The following NSG1 variants were observed in gnomAD, a reference collection of about 807,000 sequenced individuals.
The protein encoded by NSG1 is neuronal vesicle trafficking associated 1, also known as neuronal vesicle trafficking-associated protein 1.
NSG1 carries 9 observed loss-of-function variants against 19.3 expected under a neutral mutation model. The observed-to-expected ratio is 0.47, with a 90% CI of 0.28 to 0.81. The LOEUF is 0.81. Ranked by LOEUF, NSG1 falls within the 40% of genes least tolerant of loss-of-function variation. NSG1 has a pLI of 0.11. For missense variants in NSG1, 236 were observed against 242.4 expected (o/e 0.97, Z 0.18); for synonymous variants, 104 against 107.0 (o/e 0.97, Z 0.17).
rs528641478 is a variant in NSG1 at position 4,391,819 on chromosome 4, T to C, written c.246+228T>C. Among the ~76,000 whole-genome samples, 8 of 152,346 alleles carry C rather than the reference T, an allele frequency of 5.3e-5. No individual in the cohort carries two copies. In the South Asian group the frequency reaches 1.7e-3, roughly 32 times the overall value. On this transcript the variant is annotated intron_variant, in intron 3 of 4. Transcript: ENST00000621129. ...CAAAATGATCACATATTACTTATTT[T>C]TATAACAGGGGAAACCCACCCACAA...
In NSG1 at chr4:4,418,198, C is replaced by T. The variant is rs1451913503; in HGVS notation, c.*763C>T. The T allele has an allele frequency of 6.6e-6, 1 of 152,372 alleles. No homozygotes were observed. Among genetic ancestry groups the T allele is most frequent in the Admixed American group, 6.5e-5 (1 of 15,294 alleles). 9.4% of individuals were successfully genotyped at this position (152,372 alleles called of 1,614,324 possible). On this transcript the variant is annotated 3_prime_UTR_variant, in exon 5 of 5. Coordinates refer to ENST00000621129, the MANE Select transcript of NSG1 (RefSeq NM_014392.5). ...TGGGCCCGTGAGGTGCAGAACTCTC[C>T]CTGCAGGTAGTCTGTCTGCTCTGTG... is the stretch of plus-strand genomic sequence containing the variant.
intron 3 of NSG1, among the ~76,000 whole-genome samples, chr4:4,406,041 T>C (rs984708990): frequency 4.6e-5 from 7 of 152,270 alleles, no homozygotes; most frequent in African/African-American, 1.7e-4. Flanking sequence ...CCCTCTTCTT[T>C]TTTTGAGACG....
At chr4:4,386,577 C>T (rs1222659019), upstream of NSG1, 8 of 152,644 alleles carry the variant, frequency 5.2e-5, no homozygotes, top group African/African-American at 1.9e-4. Context: ...CTGCTCTGGT[C>T]TCCGCCACCA....
chr4:4,395,364 C>A (rs994282899), intron 3 of NSG1, among the ~76,000 whole-genome samples: 5 of 152,160 alleles, frequency 3.3e-5, no homozygotes, highest in Non-Finnish European at 7.3e-5. Flanking sequence ...GGGGTGCATT[C>A]CAGCACAGAA....
intron 4 of NSG1, among the ~76,000 whole-genome samples, chr4:4,412,210 G>A (rs1027970068): frequency 3.7e-4 from 56 of 152,146 alleles, no homozygotes; most frequent in South Asian, 1.0e-3. Context: ...TCCCCACAGG[G>A]AGGAGGGGGT....
intron 3 of NSG1, among the ~76,000 whole-genome samples, chr4:4,409,151 C>T (rs1292178951): frequency 6.6e-6 from 1 of 152,218 alleles, no homozygotes; most frequent in African/African-American, 2.4e-5. Flanking sequence ...GAGCCCAGGG[C>T]TCAGGACACA....
intron 4 of NSG1, among the ~76,000 whole-genome samples, chr4:4,415,486 T>C (rs929174755): frequency 6.6e-6 from 1 of 152,030 alleles, no homozygotes; most frequent in Non-Finnish European, 1.5e-5. Context: ...CAGAAAGCCT[T>C]CCCTGGCCCA....
At chr4:4,406,773 C>A (rs1723881915) in intron 3 of NSG1, among the ~76,000 whole-genome samples, 1 of 152,218 alleles carries the variant, frequency 6.6e-6, no homozygotes, top group Non-Finnish European at 1.5e-5. Context: ...AGACTCCCGG[C>A]CAGTGAGCTA....
At chr4:4,410,884 G>C (rs1724142256) in intron 4 of NSG1, among the ~76,000 whole-genome samples, 1 of 152,178 alleles carries the variant, frequency 6.6e-6, no homozygotes, top group African/African-American at 2.4e-5. Context: ...GTGTGATGGA[G>C]TCTCACTCTG....
chr4:4,399,290 T>A (rs1239386499), intron 3 of NSG1, among the ~76,000 whole-genome samples: 2 of 152,010 alleles, frequency 1.3e-5, no homozygotes, highest in African/African-American at 4.8e-5. Flanking sequence ...CTACAGGCAT[T>A]CACCACCACA....
intron 3 of NSG1, among the ~76,000 whole-genome samples, chr4:4,403,003 C>G (rs186117942): frequency 6.6e-6 from 1 of 152,334 alleles, no homozygotes; most frequent in Non-Finnish European, 1.5e-5. Context: ...ACGTTCTGTT[C>G]GATGCGTAGA....
At chr4:4,402,874 C>T (rs1444742590) in intron 3 of NSG1, among the ~76,000 whole-genome samples, 1 of 152,222 alleles carries the variant, frequency 6.6e-6, no homozygotes, top group Non-Finnish European at 1.5e-5. Flanking sequence ...GGGAATCAGA[C>T]ACTGTCTATC....
intron 3 of NSG1, among the ~76,000 whole-genome samples, chr4:4,395,571 A>G (rs1723210490): frequency 6.6e-6 from 1 of 152,004 alleles, no homozygotes; most frequent in Non-Finnish European, 1.5e-5. Flanking sequence ...GCATATGGGG[A>G]GCAGGCTATG....
Position 4,417,821 on chromosome 4 carries a change from A to T in NSG1, c.*386A>T. On this transcript the variant is annotated 3_prime_UTR_variant, in exon 5 of 5. Coordinates refer to ENST00000621129, the MANE Select transcript of NSG1 (RefSeq NM_014392.5). ...TGTCTGCAAACCTTCCTCCATAGCC[A>T]TATCTAGAGTGATCTCTCGCTGTGC... The T allele has an allele frequency of 3.2e-6, 1 of 310,318 alleles. No individual in the cohort carries two copies. Among genetic ancestry groups the T allele is most frequent in the Non-Finnish European group, 6.2e-6 (1 of 162,242 alleles). 19.2% of individuals were successfully genotyped at this position (310,318 alleles called of 1,614,324 possible).
intron 4 of NSG1, among the ~76,000 whole-genome samples, chr4:4,410,962 A>G (rs1182988168): frequency 6.6e-6 from 1 of 152,122 alleles, no homozygotes; most frequent in Non-Finnish European, 1.5e-5. Flanking sequence ...GGTTCAAGCG[A>G]TTCTTCTGCC....
At chr4:4,388,877 G>A (rs912322678) in intron 2 of NSG1, among the ~76,000 whole-genome samples, 2 of 152,204 alleles carry the variant, frequency 1.3e-5, no homozygotes, top group Non-Finnish European at 2.9e-5. Flanking sequence ...AAGAAAGGGG[G>A]ATCAGCCGGC....
At position 4,409,644 on chromosome 4, in the gene NSG1, C is replaced by T; in HGVS notation, c.318C>T (p.Tyr106=). The change falls in exon 4 of 5, where the codon TAC becomes TAT. Residue 106 remains tyrosine (Y), a synonymous_variant. Coordinates refer to ENST00000621129, the MANE Select transcript of NSG1 (RefSeq NM_014392.5). ...TCTTCCTGGTTGTCTACAAGGTGTA[C>T]AAGTATGACCGCGCCTGCCCCGATG... ...CVVFLVVYKV[Y]KYDRACPDGF... 1.2e-6 allele frequency: 2 copies of T among 1,614,182 alleles called. No individual in the cohort carries two copies. The highest frequency in any genetic ancestry group is 2.2e-5 in the South Asian group (2 of 91,086).
chr4:4,414,120 C>A (rs1192742526), intron 4 of NSG1, among the ~76,000 whole-genome samples: 1 of 152,070 alleles, frequency 6.6e-6, no homozygotes. Flanking sequence ...CTCATCCTCT[C>A]TGAGCCTGGA....
intron 3 of NSG1, among the ~76,000 whole-genome samples, chr4:4,394,730 A>G (rs2108728984): frequency 6.6e-6 from 1 of 152,350 alleles, no homozygotes; most frequent in Middle Eastern, 3.4e-3. Flanking sequence ...ACACACAGTA[A>G]CAGCTTGATA....
Sources: allele counts gnomAD v4.1 joint callset (sites outside exome capture counted in the v4.1 genomes callset), GRCh38; gene constraint gnomAD v4.1.1; transcripts MANE v1.5; gene names NCBI Gene and HGNC (gene_info 2026-07-23, HGNC 2026-07-21).